The following RUNX2 variants were observed in gnomAD, a reference collection of about 807,000 sequenced individuals.
RUNX2 encodes runt-related transcription factor 2.
In RUNX2, 10 loss-of-function variants were observed where a neutral mutation model predicts 51.7. That is an observed-to-expected ratio of 0.19 (90% CI 0.12 to 0.33). RUNX2 has a LOEUF of 0.33. Among genes scored for constraint, RUNX2 ranks in the 10% least tolerant of loss-of-function variants. The probability of loss-of-function intolerance (pLI) is 1.00; values close to 1 mark genes in which losing one functional copy is unlikely to be tolerated. For synonymous variants in RUNX2, 276 were observed against 273.6 expected (o/e 1.01, Z -0.09); for missense variants, 562 against 691.3 (o/e 0.81, Z 2.10).
intron 2 of RUNX2, among the ~76,000 whole-genome samples, chr6:45,334,898 G>T (rs7757676): frequency 0.13 from 19,631 of 151,030 alleles, 1,515 homozygotes; most frequent in East Asian, 0.26. Context: ...GGAATTTCAA[G>T]ACTAAAATAA....
intron 5 of RUNX2, 107 bp from the exon 6 acceptor site, chr6:45,491,834 A>G: frequency 1.8e-6 from 2 of 1,125,188 alleles, no homozygotes; most frequent in South Asian, 1.2e-5. Flanking sequence ...ATTAATATTG[A>G]TAATTCCTTG....
chr6:45,407,578 T>TA (rs1415193234), intron 2 of RUNX2, among the ~76,000 whole-genome samples: 15 of 152,202 alleles, frequency 9.9e-5, no homozygotes, highest in Middle Eastern at 3.4e-3. Context: ...TGCAACCTCT[T>TA]AAGTCCTGGC....
chr6:45,386,363 G>A (rs144944296), intron 2 of RUNX2, among the ~76,000 whole-genome samples: 8 of 152,214 alleles, frequency 5.3e-5, no homozygotes, highest in Admixed American at 2.0e-4. Context: ...CACTGCGCCC[G>A]TCCTATTAGT....
intron 5 of RUNX2, among the ~76,000 whole-genome samples, chr6:45,445,351 C>T (rs1051190826): frequency 2.0e-5 from 3 of 152,076 alleles, no homozygotes; most frequent in African/African-American, 7.2e-5. Context: ...AGAGATTGGT[C>T]ACATGTGAAA....
chr6:45,343,589 A>C (rs1790270243), intron 2 of RUNX2, among the ~76,000 whole-genome samples: 1 of 152,230 alleles, frequency 6.6e-6, no homozygotes, highest in South Asian at 2.1e-4. Context: ...CTTGTAAAAA[A>C]TGCCTTCAAT....
At chr6:45,356,169 A>G (rs1793128875) in intron 2 of RUNX2, among the ~76,000 whole-genome samples, 1 of 152,188 alleles carries the variant, frequency 6.6e-6, no homozygotes, top group Non-Finnish European at 1.5e-5. Flanking sequence ...AAACTTTCTA[A>G]TGACTACAAC....
At chr6:45,415,684 A>AC (rs11437939) in intron 2 of RUNX2, among the ~76,000 whole-genome samples, 151,624 of 152,320 alleles carry the variant, frequency 1, 75,468 homozygotes, top group Middle Eastern at 1. Context: ...CACTGCAGAA[A>AC]CTGCTGTGTG....
Position 45,550,351 on chromosome 6 carries a change from C to A in RUNX2, c.*3046C>A, listed in dbSNP as rs1161579797. On this transcript the variant is annotated 3_prime_UTR_variant, in exon 9 of 9. Coordinates refer to ENST00000647337, the MANE Select transcript of RUNX2 (RefSeq NM_001024630.4). ...CTCTTTAGACGGTCTCACTGCCTCT[C>A]ACTTGCCAGAGCCCTTTCAAAATGA... 1.3e-5 allele frequency: 2 copies of A among 152,228 alleles called. No homozygotes were observed. The highest frequency in any genetic ancestry group is 4.8e-5 in the African/African-American group (2 of 41,444). 9.4% of individuals were successfully genotyped at this position (152,228 alleles called of 1,614,324 possible).
chr6:45,532,217 A>G (rs1161377472), intron 7 of RUNX2, among the ~76,000 whole-genome samples: 1 of 103,434 alleles, frequency 9.7e-6, no homozygotes, highest in East Asian at 2.5e-4. Flanking sequence ...TTATTACCTC[A>G]TTTTGAAAAC....
intron 2 of RUNX2, among the ~76,000 whole-genome samples, chr6:45,356,912 T>C (rs142035655): frequency 7.8e-4 from 119 of 152,348 alleles, no homozygotes; most frequent in African/African-American, 2.8e-3. Flanking sequence ...GAATTTACTG[T>C]AACGAGGCAA....
intron 2 of RUNX2, among the ~76,000 whole-genome samples, chr6:45,385,719 G>A (rs1797333755): frequency 6.6e-6 from 1 of 152,150 alleles, no homozygotes; most frequent in African/African-American, 2.4e-5. Context: ...AGTCAATATG[G>A]TGAAACCCCG....
At chr6:45,507,571 C>T (rs970552777) in intron 6 of RUNX2, among the ~76,000 whole-genome samples, 16 of 152,006 alleles carry the variant, frequency 1.1e-4, no homozygotes, top group East Asian at 1.9e-4. Context: ...TTGGTGATTG[C>T]GCATTTAGGA....
chr6:45,352,217 AC>A (rs1300924211), intron 2 of RUNX2, among the ~76,000 whole-genome samples: 1 of 152,136 alleles, frequency 6.6e-6, no homozygotes, highest in East Asian at 1.9e-4. Context: ...CTTACAAATA[AC>A]CTTTGATCGT....
Position 45,548,167 on chromosome 6 carries a change from C to T in RUNX2, c.*862C>T, listed in dbSNP as rs1307676043. 2 of 152,360 alleles carry T rather than the reference C, an allele frequency of 1.3e-5. No individual in the cohort carries two copies. Among genetic ancestry groups the T allele is most frequent in the African/African-American group, 4.8e-5 (2 of 41,320 alleles). 9.4% of individuals were successfully genotyped at this position (152,360 alleles called of 1,614,324 possible). A position where few individuals can be genotyped will look rare whatever the true frequency, so the allele number is the denominator to read the frequency against. ...TGAATATGTGTAAAATCTGAGGTAA[C>T]TTGCTAACGTGAATGGTCATATAAC... On this transcript the variant is annotated 3_prime_UTR_variant, in exon 9 of 9. Transcript: ENST00000647337.
At chr6:45,534,536 T>C (rs984238482) in intron 7 of RUNX2, among the ~76,000 whole-genome samples, 2 of 151,990 alleles carry the variant, frequency 1.3e-5, no homozygotes, top group Non-Finnish European at 1.5e-5. Flanking sequence ...CTGAAAAAAA[T>C]CAGAAACAGT....
intron 5 of RUNX2, among the ~76,000 whole-genome samples, chr6:45,461,599 G>A (rs1036547821): frequency 3.9e-5 from 6 of 152,120 alleles, no homozygotes; most frequent in East Asian, 1.9e-4. Context: ...GAAGTCAATC[G>A]ACAAGAATAT....
intron 6 of RUNX2, among the ~76,000 whole-genome samples, chr6:45,506,133 G>A (rs537436991): frequency 7.3e-4 from 111 of 152,236 alleles, no homozygotes; most frequent in Middle Eastern, 3.4e-3. Context: ...TTTATTCCTG[G>A]TGGTGGTTCT....
At chr6:45,428,753 T>TA (rs916079986) in intron 3 of RUNX2, among the ~76,000 whole-genome samples, 10 of 148,664 alleles carry the variant, frequency 6.7e-5, no homozygotes, top group East Asian at 2.0e-4. Context: ...TTCTTCTAAC[T>TA]AAAAAAAAAT....
intron 2 of RUNX2, among the ~76,000 whole-genome samples, chr6:45,375,710 A>C (rs1582026697): frequency 6.6e-6 from 1 of 152,274 alleles, no homozygotes; most frequent in East Asian, 1.9e-4. Context: ...TGCCTGGCCC[A>C]AGGGCACCAT....
Sources: gnomAD v4.1 joint callset for allele counts (sites outside exome capture counted in the v4.1 genomes callset) on GRCh38, gnomAD v4.1.1 for gene constraint, MANE v1.5 for transcripts, NCBI Gene and HGNC (gene_info 2026-07-23, HGNC 2026-07-21) for gene names.